The following SRP19 variants were observed in gnomAD, a reference collection of about 807,000 sequenced individuals.
The protein encoded by SRP19 is signal recognition particle 19.
SRP19 carries 11 observed loss-of-function variants against 22.4 expected under a neutral mutation model. That is an observed-to-expected ratio of 0.49 (90% confidence interval 0.31 to 0.81). The LOEUF is 0.81. Among genes scored for constraint, SRP19 ranks in the 40% least tolerant of loss-of-function variants. The pLI is 0.05. For synonymous variants in SRP19, 61 were observed against 57.6 expected, an observed-to-expected ratio of 1.06 and a Z score of -0.27; for missense variants, 168 against 175.9, an observed-to-expected ratio of 0.96 and a Z score of 0.25.
chr5:112,861,528 A>G, intron 1 of SRP19, 111 bp downstream of exon 1: 3 of 1,200,922 alleles, frequency 2.5e-6, no homozygotes, highest in Non-Finnish European at 2.4e-6. Context: ...AGCTGATCCA[A>G]CTCGCTCTGT....
downstream of SRP19, chr5:112,894,701 A>G (rs1000707290): frequency 2.6e-5 from 4 of 152,184 alleles, no homozygotes; most frequent in African/African-American, 9.7e-5. Flanking sequence ...CTAACATGAT[A>G]TTTGTTATAT....
At chr5:112,893,651 A>G (rs1446388017), downstream of SRP19, 2 of 152,604 alleles carry the variant, frequency 1.3e-5, no homozygotes, top group Non-Finnish European at 2.9e-5. Context: ...AAAGACTCAG[A>G]CTAGCATCTA....
intron 2 of SRP19, among the ~76,000 whole-genome samples, chr5:112,863,387 G>A (rs1412249961): frequency 6.6e-6 from 1 of 152,052 alleles, no homozygotes. Context: ...CACCATTGCC[G>A]ATTTGAGCTA....
At position 112,861,407 on chromosome 5, in the gene SRP19, G is replaced by C. The variant is rs367813945; in HGVS notation, c.31G>C (p.Asp11His). Residue 11 changes from aspartate (D) to histidine (H), a missense_variant, in exon 1 of 5, where the codon GAC becomes CAC. Coordinates refer to ENST00000505459, the MANE Select transcript of SRP19 (RefSeq NM_003135.3). MACAAARSPADQDRFICIYPA... is the reference protein window; with the variant it reads MACAAARSPAHQDRFICIYPA... ...TTGCGCTGCCGCGCGGTCCCCGGCC[G>C]ACCAGGACAGGTGGGTTCTGAGGCG... The C allele has an allele frequency of 6.2e-7, 1 of 1,614,090 alleles. No individual in the cohort carries two copies. The highest frequency in any genetic ancestry group is 8.5e-7 in the Non-Finnish European group (1 of 1,180,018).
chr5:112,868,252 G>T lies in SRP19; in HGVS notation c.*715G>T, dbSNP rs144866465. On this transcript the variant is annotated 3_prime_UTR_variant, in exon 5 of 5. Coordinates refer to ENST00000505459, the MANE Select transcript of SRP19 (RefSeq NM_003135.3). ...CACTTTCCTTCAACAAATGAAATTG[G>T]ATTGGTGCTCCAGAATTTCAGAGCG... 822 of 985,480 alleles carry T rather than the reference G, an allele frequency of 8.3e-4. 3 individuals carry two copies. In the African/African-American group the frequency reaches 0.014, roughly 16 times the overall value. The allele number at this position is 985,480 out of a possible 1,614,324, so 61.0% of individuals were successfully genotyped here.
chr5:112,892,698 G>C (rs139520456), exon 5 of SRP19: 7 of 1,614,062 alleles, frequency 4.3e-6, no homozygotes, highest in Non-Finnish European at 2.5e-6. Flanking sequence ...ACATCTACTT[G>C]TCTTCAGATC....
At chr5:112,877,408 G>A (rs1314729977) in intron 4 of SRP19, 1 of 152,144 alleles carries the variant, frequency 6.6e-6, no homozygotes, top group South Asian at 2.1e-4. Context: ...ACAGTATGGT[G>A]TAAAACTCAG....
chr5:112,875,916 G>A (rs1287224437), intron 4 of SRP19, among the ~76,000 whole-genome samples: 2 of 152,048 alleles, frequency 1.3e-5, no homozygotes, highest in South Asian at 2.1e-4. Flanking sequence ...GCGTGGCGGC[G>A]GGTGCGTGTA....
downstream of SRP19, among the ~76,000 whole-genome samples, chr5:112,870,291 A>G (rs1767728876): frequency 1.3e-5 from 2 of 152,124 alleles, no homozygotes; most frequent in Admixed American, 1.3e-4. Flanking sequence ...AGTCGGGACC[A>G]ACCTGGGCAA....
Position 112,868,398 on chromosome 5 carries a change from T to G in SRP19, c.*861T>G, listed in dbSNP as rs1366221742. The stretch of plus-strand genomic sequence containing the variant: ...TCAGTAAATTCCATTTTTTTTAAGT[T>G]TGTTTGTTTGTTTGTTTTTGAGATG... On this transcript the variant is annotated 3_prime_UTR_variant, in exon 5 of 5. Coordinates refer to ENST00000505459, the MANE Select transcript of SRP19 (RefSeq NM_003135.3). The G allele has an allele frequency of 4.3e-5, 43 of 998,194 alleles. No homozygotes were observed. Among genetic ancestry groups the G allele is most frequent in the Non-Finnish European group, 5.1e-5 (43 of 839,776 alleles). 61.8% of individuals were successfully genotyped at this position (998,194 alleles called of 1,614,324 possible). A position where few individuals can be genotyped will look rare whatever the true frequency, so the allele number is the denominator to read the frequency against.
At chr5:112,884,780 C>T (rs1461015516) in intron 4 of SRP19, among the ~76,000 whole-genome samples, 1 of 45,874 alleles carries the variant, frequency 2.2e-5, no homozygotes. Context: ...CAGTCCTTGG[C>T]CCCCCCCCAT....
At chr5:112,879,332 G>C (rs1415729957) in intron 4 of SRP19, among the ~76,000 whole-genome samples, 4 of 151,146 alleles carry the variant, frequency 2.6e-5, no homozygotes, top group Non-Finnish European at 5.9e-5. Flanking sequence ...GTTTGGGGGG[G>C]GGGGCTGGGG....
downstream of SRP19, among the ~76,000 whole-genome samples, chr5:112,871,243 A>ATTTTTTTTTTTTTTTTTTTT (rs10592964): frequency 1.1e-5 from 1 of 93,934 alleles, no homozygotes; most frequent in Non-Finnish European, 2.0e-5. Context: ...CAATCAGTGA[A>ATTTTTTTTTTTTTTTTTTTT]TTTTTTTTTT....
chr5:112,879,206 C>T (rs964166531), intron 4 of SRP19, among the ~76,000 whole-genome samples: 1 of 151,834 alleles, frequency 6.6e-6, no homozygotes, highest in Non-Finnish European at 1.5e-5. Flanking sequence ...TAAGATTTCA[C>T]TTATCAATAT....
At chr5:112,870,977 C>T (rs529183286), downstream of SRP19, among the ~76,000 whole-genome samples, 23 of 152,182 alleles carry the variant, frequency 1.5e-4, 1 homozygote, top group South Asian at 3.7e-3. Context: ...CTCAGCCTCC[C>T]GAGTAGCTGG....
intron 1 of SRP19, 110 bp from the exon 2 acceptor site, chr5:112,862,398 C>A: frequency 1.1e-6 from 1 of 870,474 alleles, no homozygotes; most frequent in South Asian, 1.4e-5. Flanking sequence ...AAGGGAGTAC[C>A]CATCTGATAT....
downstream of SRP19, among the ~76,000 whole-genome samples, chr5:112,871,216 C>T (rs938349894): frequency 7.0e-6 from 1 of 143,824 alleles, no homozygotes; most frequent in Non-Finnish European, 1.5e-5. Flanking sequence ...TGTTTCTTCA[C>T]ATTATTGCAA....
chr5:112,880,447 A>G (rs1256159654), intron 4 of SRP19, among the ~76,000 whole-genome samples: 1 of 151,458 alleles, frequency 6.6e-6, no homozygotes, highest in Non-Finnish European at 1.5e-5. Context: ...CCAGAGCCTT[A>G]GTGATGAGAG....
Position 112,867,393 on chromosome 5 carries a change from C to A in SRP19, c.302-11C>A. 1 of 1,609,260 alleles carries A rather than the reference C, an allele frequency of 6.2e-7. No homozygotes were observed. Reference sequence around the variant, plus strand: ...TCAGATTATACACTAAGCCTAACTTCTGGTTCCTAGGTAAGTCAGTAATGT... The same window carrying A: ...TCAGATTATACACTAAGCCTAACTTATGGTTCCTAGGTAAGTCAGTAATGT... On this transcript the variant is annotated splice_polypyrimidine_tract_variant and intron_variant, in intron 4 of 4. Coordinates refer to ENST00000505459, the MANE Select transcript of SRP19 (RefSeq NM_003135.3).
Sources: gnomAD v4.1 joint callset for allele counts (sites outside exome capture counted in the v4.1 genomes callset) on GRCh38, gnomAD v4.1.1 for gene constraint, MANE v1.5 for transcripts, NCBI Gene and HGNC (gene_info 2026-07-23, HGNC 2026-07-21) for gene names.